FAM234A: variants seen among roughly 807,000 people sequenced by gnomAD.
FAM234A encodes the protein protein FAM234A.
In FAM234A, 42 loss-of-function variants were observed where a neutral mutation model predicts 49.1. That is an observed-to-expected ratio of 0.86 (90% CI 0.67 to 1.11). FAM234A has a LOEUF of 1.11. Ranked by LOEUF, FAM234A falls within the 50% of genes least tolerant of loss-of-function variation. FAM234A has a pLI of 0.00. For synonymous variants in FAM234A, 369 were observed against 316.2 expected (o/e 1.17, Z -1.77); for missense variants, 815 against 745.2 (o/e 1.09, Z -1.09).
chr16:236,285 G>A (rs1802849252), intron 1 of FAM234A, among the ~76,000 whole-genome samples: 1 of 151,532 alleles, frequency 6.6e-6, no homozygotes, highest in Admixed American at 6.6e-5. Flanking sequence ...CCACCCTCCT[G>A]AGTATCTGGG....
At chr16:246,545 G>T (rs1250812646) in intron 1 of FAM234A, among the ~76,000 whole-genome samples, 1 of 144,316 alleles carries the variant, frequency 6.9e-6, no homozygotes, top group East Asian at 2.2e-4. Context: ...TCAGCCTCCC[G>T]AGTAGCTGGG....
chr16:244,791 G>A (rs575003774), intron 1 of FAM234A, among the ~76,000 whole-genome samples: 1 of 147,434 alleles, frequency 6.8e-6, no homozygotes, highest in South Asian at 2.1e-4. Flanking sequence ...AGGTTCAAGT[G>A]ATTCTCCTGC....
In FAM234A at chr16:254,536, G is replaced by A. The variant is rs1395066752; in HGVS notation, c.123G>A (p.Gln41=). The change falls in exon 3 of 13, where the codon CAG becomes CAA. Residue 41 remains glutamine, a synonymous_variant. Coordinates refer to ENST00000399932, the MANE Select transcript of FAM234A (RefSeq NM_032039.4). ...NEDNVKSAPP[Q]SRLSRCRAAA... ...ATAACGTGAAAAGCGCGCCTCCACA[G>A]TCCCGGCTCTCCCGGTGCCGAGCGG... The A allele has an allele frequency of 6.2e-6, 10 of 1,614,152 alleles. No homozygotes were observed. Among genetic ancestry groups the A allele is most frequent in the African/African-American group, 4.0e-5 (3 of 74,948 alleles).
chr16:262,569 A>G lies in FAM234A; in HGVS notation c.971+16A>G, dbSNP rs755629223. ...TTTCCCACAGGTGGGTCCGGGCCGCAGCCTTTCTCCATGCAGAGCGCCCAC... is the reference window on the plus strand; with the variant it reads ...TTTCCCACAGGTGGGTCCGGGCCGCGGCCTTTCTCCATGCAGAGCGCCCAC... On this transcript the variant is annotated intron_variant, in intron 8 of 12. Transcript: ENST00000399932. 6.4e-7 allele frequency: 1 copy of G among 1,568,658 alleles called. No individual in the cohort carries two copies. The highest frequency in any genetic ancestry group is 8.6e-7 in the Non-Finnish European group (1 of 1,160,786).
rs557948502 is a variant in FAM234A, at chr16:241,241, T to C, written c.-140+6384T>C. 1.8e-4 allele frequency among the ~76,000 whole-genome samples: 27 copies of C among 149,794 alleles called. No individual in the cohort carries two copies. In the East Asian group the frequency reaches 2.0e-3, roughly 11 times the overall value. On this transcript the variant is annotated intron_variant, in intron 1 of 12. Transcript: ENST00000399932. ...ACTGTGCCTAGCCTTAAAACACTTA[T>C]CTTGACCGCAGAGGAGGTCTACACA...
intron 1 of FAM234A, among the ~76,000 whole-genome samples, chr16:245,794 G>C (rs2050782910): frequency 6.6e-6 from 1 of 152,158 alleles, no homozygotes; most frequent in African/African-American, 2.4e-5. Flanking sequence ...AATATATTTA[G>C]TTCATCAGTG....
chr16:246,678 T>TA (rs1250450836), intron 1 of FAM234A, among the ~76,000 whole-genome samples: 1 of 151,464 alleles, frequency 6.6e-6, no homozygotes, highest in Non-Finnish European at 1.5e-5. Context: ...TTTGGCCTCC[T>TA]AAAGTGCTGG....
chr16:259,410 G>A (rs1168508167), intron 3 of FAM234A, 73 bp from the exon 4 acceptor site: 1 of 845,108 alleles, frequency 1.2e-6, no homozygotes, highest in African/African-American at 1.7e-5. Flanking sequence ...AGAGAAGTAG[G>A]TCGTGCTGGA....
chr16:251,191 C>T (rs1319437814), intron 2 of FAM234A, among the ~76,000 whole-genome samples: 5 of 152,144 alleles, frequency 3.3e-5, no homozygotes, highest in African/African-American at 7.2e-5. Context: ...CGCCTGACCT[C>T]GTAATCCTCC....
chr16:251,099 A>G (rs1191412580), intron 2 of FAM234A, among the ~76,000 whole-genome samples: 10 of 151,974 alleles, frequency 6.6e-5, no homozygotes, highest in Non-Finnish European at 5.9e-5. Flanking sequence ...TGGGATTACA[A>G]GCGCCTGCCA....
At chr16:262,593 ACC>A (rs2051513358) in intron 8 of FAM234A, 40 bp downstream of exon 8, 1 of 1,521,996 alleles carries the variant, frequency 6.6e-7, no homozygotes, top group Non-Finnish European at 8.8e-7. Context: ...CAGAGCGCCC[ACC>A]CCATGGCTCT....
chr16:269,463 AG>A (rs34625205), downstream of FAM234A: 1 of 1,604,082 alleles, frequency 6.2e-7, no homozygotes, highest in Admixed American at 1.7e-5. Flanking sequence ...AGCAGCCCCC[AG>A]GCCACAGCCG....
intron 1 of FAM234A, among the ~76,000 whole-genome samples, chr16:246,219 A>AAATAAT (rs112986840): frequency 6.6e-6 from 1 of 150,636 alleles, no homozygotes; most frequent in African/African-American, 2.4e-5. Flanking sequence ...TGTCTCAAAA[A>AAATAAT]AATAATAATA....
downstream of FAM234A, chr16:269,343 T>C: frequency 6.2e-7 from 1 of 1,603,582 alleles, no homozygotes; most frequent in South Asian, 1.1e-5. Flanking sequence ...AGTGCAGGGC[T>C]GGGGCTCGAG....
intron 3 of FAM234A, among the ~76,000 whole-genome samples, chr16:255,661 G>T (rs987767787): frequency 1.3e-5 from 2 of 152,166 alleles, no homozygotes; most frequent in African/African-American, 4.8e-5. Context: ...TGTCTCCAAA[G>T]ATTAGTCTTT....
At chr16:242,652 G>A (rs980375422) in intron 1 of FAM234A, among the ~76,000 whole-genome samples, 9 of 143,856 alleles carry the variant, frequency 6.3e-5, no homozygotes, top group East Asian at 2.0e-4. Flanking sequence ...TCGCTCTGTC[G>A]TCCAGGCTGG....
intron 1 of FAM234A, among the ~76,000 whole-genome samples, chr16:243,698 G>A (rs545266150): frequency 6.6e-6 from 1 of 152,300 alleles, no homozygotes; most frequent in East Asian, 1.9e-4. Context: ...ATCCTGTGAA[G>A]GAATTCCTGA....
Position 251,688 on chromosome 16 carries a change from T to TTG in FAM234A, c.-34+2035_-34+2036insGT, listed in dbSNP as rs1555462375. 6.6e-4 allele frequency among the ~76,000 whole-genome samples: 89 copies of TTG among 134,926 alleles called. 2 individuals are homozygous for TTG. Among genetic ancestry groups the TTG allele is most frequent in the African/African-American group, 3.0e-3 (87 of 29,488 alleles). 88.5% of individuals were successfully genotyped at this position (134,926 alleles called of 152,430 possible). A position where few individuals can be genotyped will look rare whatever the true frequency, so the allele number is the denominator to read the frequency against. The stretch of plus-strand genomic sequence containing the variant: ...CACCATGCCTAGCCAGGTTTTTTTT[T>TTG]TTTTTTTTTTTTTTTTTTAAGAGAT... On this transcript the variant is annotated intron_variant, in intron 2 of 12. Coordinates refer to ENST00000399932, the MANE Select transcript of FAM234A (RefSeq NM_032039.4).
At chr16:256,103 G>T (rs1484930837) in intron 3 of FAM234A, among the ~76,000 whole-genome samples, 1 of 152,216 alleles carries the variant, frequency 6.6e-6, no homozygotes, top group East Asian at 1.9e-4. Flanking sequence ...CTCCTGGGAG[G>T]GTTGGCTGAC....
Sources: gnomAD v4.1 joint callset for allele counts (sites outside exome capture counted in the v4.1 genomes callset) on GRCh38, gnomAD v4.1.1 for gene constraint, MANE v1.5 for transcripts, NCBI Gene and HGNC (gene_info 2026-07-23, HGNC 2026-07-21) for gene names.